SLC44A1: variants seen among roughly 807,000 people sequenced by gnomAD.
SLC44A1 encodes the protein choline transporter-like protein 1.
Under a neutral mutation model 79.3 loss-of-function variants are expected in SLC44A1, and 26 were observed. The ratio of observed to expected loss-of-function variants is 0.33; its 90% CI spans 0.24 to 0.46. The LOEUF (loss-of-function observed/expected upper bound fraction) is 0.46, where lower values mean the gene tolerates loss of function less well. Ranked by LOEUF, SLC44A1 falls within the 20% of genes least tolerant of loss-of-function variation. The probability of loss-of-function intolerance (pLI) is 1.00; values close to 1 mark genes in which losing one functional copy is unlikely to be tolerated. For missense variants in SLC44A1, 688 were observed against 798.1 expected (o/e 0.86, Z 1.66); for synonymous variants, 263 against 286.2 (o/e 0.92, Z 0.82).
At chr9:105,378,858 A>G (rs976060125) in intron 13 of SLC44A1, among the ~76,000 whole-genome samples, 5 of 152,236 alleles carry the variant, frequency 3.3e-5, no homozygotes, top group African/African-American at 1.2e-4. Context: ...ATCATAATAA[A>G]CATTATAAAA....
At position 105,334,453 on chromosome 9, in the gene SLC44A1, T is replaced by G. The variant is rs184853210; in HGVS notation, c.270-1110T>G. ...CTGCTTTTCAGTTTGTTCTCCTAAT[T>G]TTTATATTAGGTTATATTTCCTGTT... On this transcript the variant is annotated intron_variant, in intron 3 of 15. Transcript: ENST00000374720. 5.3e-4 allele frequency among the ~76,000 whole-genome samples: 81 copies of G among 152,306 alleles called. No individual in the cohort carries two copies. The East Asian group carries it at 6.9e-3, about 13-fold the overall frequency.
intron 1 of SLC44A1, among the ~76,000 whole-genome samples, chr9:105,258,748 C>T (rs570386224): frequency 7.2e-5 from 11 of 152,070 alleles, no homozygotes; most frequent in South Asian, 2.1e-4. Flanking sequence ...AGTGCAGCGG[C>T]GCAGTCTTGG....
At chr9:105,427,565 C>T (rs999346030) in intron 15 of SLC44A1, among the ~76,000 whole-genome samples, 1 of 152,130 alleles carries the variant, frequency 6.6e-6, no homozygotes, top group African/African-American at 2.4e-5. Flanking sequence ...TGAGCCACTG[C>T]ACCCGGCCTC....
intron 1 of SLC44A1, among the ~76,000 whole-genome samples, chr9:105,269,371 C>T (rs1275791921): frequency 6.6e-6 from 1 of 152,162 alleles, no homozygotes; most frequent in Non-Finnish European, 1.5e-5. Context: ...CTGGCAGTTT[C>T]CTATACAGCT....
At chr9:105,426,224 C>T (rs1056218356) in intron 15 of SLC44A1, among the ~76,000 whole-genome samples, 1 of 152,146 alleles carries the variant, frequency 6.6e-6, no homozygotes, top group Non-Finnish European at 1.5e-5. Context: ...ACTAATTCCA[C>T]TAGGTGGCAA....
At chr9:105,245,271 G>A (rs1231948161) in intron 1 of SLC44A1, among the ~76,000 whole-genome samples, 1 of 151,954 alleles carries the variant, frequency 6.6e-6, no homozygotes, top group Admixed American at 6.5e-5. Flanking sequence ...CTGTTCTTCC[G>A]GGCCTGGCTC....
At chr9:105,268,728 A>G (rs529596837) in intron 1 of SLC44A1, among the ~76,000 whole-genome samples, 17 of 148,830 alleles carry the variant, frequency 1.1e-4, no homozygotes, top group Admixed American at 9.3e-4. Context: ...TCGAACTCCA[A>G]CCTCAGGTGA....
Position 105,389,873 on chromosome 9 carries a change from A to G in SLC44A1, c.*817A>G. 3 of 1,500,536 alleles carry G rather than the reference A, an allele frequency of 2.0e-6. No homozygotes were observed. Among genetic ancestry groups the G allele is most frequent in the African/African-American group, 1.4e-5 (1 of 71,362 alleles). The allele number at this position is 1,500,536 out of a possible 1,614,324, so 93.0% of individuals were successfully genotyped here. On this transcript the variant is annotated 3_prime_UTR_variant, in exon 16 of 16. Transcript: ENST00000374720. ...GGAAGCTGGGGCACCCAGCGAGTTT[A>G]GCCTTTAAGTTTCTGTGTATTGATT...
intron 5 of SLC44A1, chr9:105,355,911 T>G: frequency 3.5e-6 from 1 of 286,280 alleles, no homozygotes; most frequent in Non-Finnish European, 6.4e-6. Flanking sequence ...TGGTTTTGCT[T>G]TTGGTAGTTG....
rs1828848464 is a variant in SLC44A1 at position 105,395,102 on chromosome 9, A to G, written c.*6046A>G. ...ATGACTTATAGTCAGGCATCAAACC[A>G]TTTCCTACTTTTTCAGGCTGAAGAA... is the stretch of plus-strand genomic sequence containing the variant. On this transcript the variant is annotated 3_prime_UTR_variant, in exon 16 of 16. Coordinates refer to ENST00000374720, the MANE Select transcript of SLC44A1 (RefSeq NM_080546.5). The G allele has an allele frequency of 1.0e-6, 1 of 985,342 alleles. No individual in the cohort carries two copies. The highest frequency in any genetic ancestry group is 1.7e-5 in the African/African-American group (1 of 57,236). 61.0% of individuals were successfully genotyped at this position (985,342 alleles called of 1,614,324 possible).
chr9:105,253,063 C>A (rs1461319935), intron 1 of SLC44A1, among the ~76,000 whole-genome samples: 6 of 152,124 alleles, frequency 3.9e-5, no homozygotes, highest in Non-Finnish European at 7.4e-5. Context: ...GGTTGATAAA[C>A]CCCTGGAATT....
In SLC44A1 at chr9:105,396,735, G is replaced by A; in HGVS notation, c.*7679G>A. 1.1e-6 allele frequency: 1 copy of A among 943,868 alleles called. No homozygotes were observed. The highest frequency in any genetic ancestry group is 1.2e-6 in the Non-Finnish European group (1 of 802,238). 58.5% of individuals were successfully genotyped at this position (943,868 alleles called of 1,614,324 possible). A position where few individuals can be genotyped will look rare whatever the true frequency, so the allele number is the denominator to read the frequency against. The stretch of plus-strand genomic sequence containing the variant: ...TGCCTTTTTGTCTTTTTTTTTTTTT[G>A]CCATTTGCATCCTATTTCATAGTGC... On this transcript the variant is annotated 3_prime_UTR_variant, in exon 16 of 16. Coordinates refer to ENST00000374720, the MANE Select transcript of SLC44A1 (RefSeq NM_080546.5).
chr9:105,362,763 T>C, intron 8 of SLC44A1, 58 bp from the exon 9 acceptor site: 3 of 1,346,774 alleles, frequency 2.2e-6, no homozygotes, highest in Non-Finnish European at 2.0e-6. Flanking sequence ...ATTTCTACTA[T>C]TTTCGGTTTC....
At chr9:105,330,313 G>C (rs1826710716) in intron 3 of SLC44A1, among the ~76,000 whole-genome samples, 2 of 152,284 alleles carry the variant, frequency 1.3e-5, no homozygotes, top group Admixed American at 6.5e-5. Flanking sequence ...TTTACAGTTT[G>C]AACTGGAAAG....
chr9:105,302,744 T>A (rs1180744352), intron 2 of SLC44A1, among the ~76,000 whole-genome samples: 1 of 151,466 alleles, frequency 6.6e-6, no homozygotes, highest in Non-Finnish European at 1.5e-5. Flanking sequence ...GCAAACCTGA[T>A]GTTCAGCCAA....
chr9:105,270,901 A>G (rs1830060800), intron 1 of SLC44A1, among the ~76,000 whole-genome samples: 1 of 152,206 alleles, frequency 6.6e-6, no homozygotes, highest in African/African-American at 2.4e-5. Context: ...TTTTTAGTTC[A>G]GAGCCCTTTG....
At chr9:105,357,311 G>T (rs75359364) in intron 6 of SLC44A1, 1 of 152,122 alleles carries the variant, frequency 6.6e-6, no homozygotes, top group Admixed American at 6.5e-5. Context: ...ATTTGGCTTT[G>T]CAAGTGGCCC....
rs115038337 is a variant in SLC44A1, at chr9:105,247,852, A to G, written c.36+2948A>G. The stretch of plus-strand genomic sequence containing the variant: ...GACCCATCTACTGTTTGTAAATTCT[A>G]TGGGCTGGTTGATTAATTTTGCCAA... On this transcript the variant is annotated intron_variant, in intron 1 of 15. Transcript: ENST00000374720. Among the ~76,000 whole-genome samples the G allele has an allele frequency of 6.1e-3, 923 of 152,244 alleles. 15 individuals are homozygous for G. Among genetic ancestry groups the G allele is most frequent in the African/African-American group, 0.021 (873 of 41,534 alleles).
chr9:105,257,127 G>A (rs996764101), intron 1 of SLC44A1, among the ~76,000 whole-genome samples: 1 of 147,482 alleles, frequency 6.8e-6, no homozygotes, highest in African/African-American at 2.5e-5. Context: ...ACGGAGTTTC[G>A]CTCTTGTTGC....
Sources: allele counts gnomAD v4.1 joint callset (sites outside exome capture counted in the v4.1 genomes callset), GRCh38; gene constraint gnomAD v4.1.1; transcripts MANE v1.5; gene names NCBI Gene and HGNC (gene_info 2026-07-23, HGNC 2026-07-21).